The following SYCE2 variants were observed in gnomAD, a reference collection of about 807,000 sequenced individuals.
SYCE2 encodes synaptonemal complex central element protein 2, also known as central element synaptonemal complex 1.
In SYCE2, 3 loss-of-function variants were observed where a neutral mutation model predicts 27.9. The observed-to-expected ratio is 0.11, with a 90% CI of 0.05 to 0.28. SYCE2 has a LOEUF of 0.28. Among genes scored for constraint, SYCE2 ranks in the 10% least tolerant of loss-of-function variants. The probability of loss-of-function intolerance (pLI) is 1.00; values close to 1 mark genes in which losing one functional copy is unlikely to be tolerated. For missense variants in SYCE2, 207 were observed against 263.5 expected (o/e 0.79, Z 1.48); for synonymous variants, 85 against 100.7 (o/e 0.84, Z 0.93).
rs766320876 is a variant in SYCE2 at position 12,904,654 on chromosome 19, C to G, written c.144G>C (p.Gln48His). 53 of 1,613,608 alleles carry G rather than the reference C, an allele frequency of 3.3e-5. No homozygotes were observed. The highest frequency in any genetic ancestry group is 4.4e-5 in the Non-Finnish European group (52 of 1,179,994). Residue 48 changes from glutamine (Q) to histidine (H), a missense_variant, in exon 3 of 6, where the codon CAG (glutamine) becomes CAC (histidine). By Grantham distance (24) the Gln-to-His change is conservative. Coordinates refer to ENST00000293695, the MANE Select transcript of SYCE2 (RefSeq NM_001105578.2). Reference protein sequence around the residue: ...AGGGPASASCQLTVLEGKSGL... With the variant: ...AGGGPASASCHLTVLEGKSGL... ...CCGACTTCCCTTCCAGGACCGTCAG[C>G]TGGCAACTGGCACTGGAGGTGGCGA...
At chr19:12,900,371 G>C in intron 4 of SYCE2, 89 bp downstream of exon 4, 6 of 1,432,548 alleles carry the variant, frequency 4.2e-6, no homozygotes, top group Non-Finnish European at 4.7e-6. Context: ...GTCAGGGCTG[G>C]GTGCCTGGTT....
At chr19:12,919,024 C>T (rs554336265) in intron 1 of SYCE2, among the ~76,000 whole-genome samples, 59 of 152,104 alleles carry the variant, frequency 3.9e-4, no homozygotes, top group African/African-American at 1.4e-3. Flanking sequence ...TACTCCGTTC[C>T]GGCCACGCGC....
intron 2 of SYCE2, among the ~76,000 whole-genome samples, chr19:12,913,597 TTC>T (rs1218939508): frequency 6.6e-6 from 1 of 152,186 alleles, no homozygotes; most frequent in Non-Finnish European, 1.5e-5. Context: ...ACCTCTCCTT[TTC>T]TCTCTGGAAA....
chr19:12,900,318 G>A, intron 4 of SYCE2, 142 bp downstream of exon 4: 1 of 1,089,204 alleles, frequency 9.2e-7, no homozygotes, highest in South Asian at 1.6e-5. Flanking sequence ...CAAACAAGAT[G>A]GTGAGTGCAC....
Position 12,919,273 on chromosome 19 carries a change from C to T in SYCE2, c.-16G>A, listed in dbSNP as rs372608259. The T allele has an allele frequency of 4.3e-6, 7 of 1,610,088 alleles. No individual in the cohort carries two copies. The highest frequency in any genetic ancestry group is 1.6e-4 in the Middle Eastern group (1 of 6,084). ...GTCGCTCCATTCCGTATTTTCCCGC[C>T]TTCAAGCTCGCACCCTCTGCGCATG... On this transcript the variant is annotated 5_prime_UTR_variant, in exon 1 of 6. Coordinates refer to ENST00000293695, the MANE Select transcript of SYCE2 (RefSeq NM_001105578.2).
At chr19:12,902,013 G>A (rs907423860) in intron 3 of SYCE2, among the ~76,000 whole-genome samples, 1 of 152,128 alleles carries the variant, frequency 6.6e-6, no homozygotes, top group Non-Finnish European at 1.5e-5. Context: ...TGGCCCATAA[G>A]AGTATAATGC....
chr19:12,912,643 CGAT>C, intron 2 of SYCE2, among the ~76,000 whole-genome samples: 1 of 152,158 alleles, frequency 6.6e-6, no homozygotes, highest in East Asian at 1.9e-4. Context: ...AAATTAAAAT[CGAT>C]GAGAGCACCA....
rs71168635 is a variant in SYCE2 at position 12,917,659 on chromosome 19, C to CTTTTTTT, written c.131+556_131+562dup. Among the ~76,000 whole-genome samples, 39 of 79,390 alleles carry CTTTTTTT rather than the reference C, an allele frequency of 4.9e-4. 3 individuals are homozygous for CTTTTTTT. Among genetic ancestry groups the CTTTTTTT allele is most frequent in the East Asian group, 2.4e-3 (5 of 2,074 alleles). 52.1% of individuals were successfully genotyped at this position (79,390 alleles called of 152,430 possible). A position where few individuals can be genotyped will look rare whatever the true frequency, so the allele number is the denominator to read the frequency against. ...TACAGGCATAAGCCACCATTCCTGG[C>CTTTTTTT]TTTTTTTTTTTTTTTTTGAGACAGC... On this transcript the variant is annotated intron_variant, in intron 2 of 5. Coordinates refer to ENST00000293695, the MANE Select transcript of SYCE2 (RefSeq NM_001105578.2).
rs1437820911 is a variant in SYCE2, at chr19:12,899,261, A to G, written c.*80T>C. On this transcript the variant is annotated 3_prime_UTR_variant, in exon 6 of 6. Transcript: ENST00000293695. Reference sequence around the variant, plus strand: ...ATGCATTATAGAACCATGAAAAACAATTTCTCAGTGTGGCCCAAATGGTGG... The same window carrying G: ...ATGCATTATAGAACCATGAAAAACAGTTTCTCAGTGTGGCCCAAATGGTGG... 6.1e-6 allele frequency: 8 copies of G among 1,305,740 alleles called. No individual in the cohort carries two copies. The highest frequency in any genetic ancestry group is 4.6e-5 in the East Asian group (2 of 43,286). 80.9% of individuals were successfully genotyped at this position (1,305,740 alleles called of 1,614,324 possible).
intron 2 of SYCE2, 101 bp downstream of exon 2, chr19:12,918,119 GAA>G: frequency 2.1e-6 from 2 of 952,692 alleles, no homozygotes; most frequent in Non-Finnish European, 3.3e-6. Flanking sequence ...TGTTAGGAGG[GAA>G]AAAAAAAGCA....
intron 2 of SYCE2, among the ~76,000 whole-genome samples, chr19:12,908,418 G>C (rs551505204): frequency 3.3e-5 from 5 of 151,580 alleles, no homozygotes; most frequent in Non-Finnish European, 7.4e-5. Flanking sequence ...TCTGCCTCCC[G>C]GGTTCACGCC....
chr19:12,916,205 G>A (rs1447451932), intron 2 of SYCE2, among the ~76,000 whole-genome samples: 1 of 152,030 alleles, frequency 6.6e-6, no homozygotes, highest in African/African-American at 2.4e-5. Context: ...GAGTAGCTGG[G>A]ATTAAAGGCA....
chr19:12,900,039 C>T lies in SYCE2; in HGVS notation c.577G>A (p.Val193Met), dbSNP rs773131972. Residue 193 changes from valine to methionine, a missense_variant, in exon 5 of 6, where the codon GTG (valine) becomes ATG (methionine). Coordinates refer to ENST00000293695, the MANE Select transcript of SYCE2 (RefSeq NM_001105578.2). ...GTTTCAGCCACAGAAGAAACGAACACGTCTGGGGGCTGTGAGTTGCCGGGA... is the reference window on the plus strand; with the variant it reads ...GTTTCAGCCACAGAAGAAACGAACATGTCTGGGGGCTGTGAGTTGCCGGGA... ...PRPGNSQPPD[V>M]FVSSVAETTS... 3 of 1,613,690 alleles carry T rather than the reference C, an allele frequency of 1.9e-6. No individual in the cohort carries two copies. Among genetic ancestry groups the T allele is most frequent in the Middle Eastern group, 1.7e-4 (1 of 5,734 alleles).
chr19:12,918,369 G>A (rs1475800808), intron 1 of SYCE2, 32 bp from the exon 2 acceptor site: 4 of 1,594,794 alleles, frequency 2.5e-6, no homozygotes, highest in South Asian at 1.1e-5. Context: ...AGGCCAAGGA[G>A]GGAGGATGAG....
At chr19:12,902,794 A>T (rs753462916) in intron 3 of SYCE2, among the ~76,000 whole-genome samples, 6 of 152,106 alleles carry the variant, frequency 3.9e-5, no homozygotes, top group Non-Finnish European at 7.4e-5. Context: ...CAGTCTGGGC[A>T]ACAGCAAGGC....
intron 2 of SYCE2, among the ~76,000 whole-genome samples, chr19:12,916,320 C>A (rs772766928): frequency 2.6e-5 from 4 of 152,086 alleles, no homozygotes; most frequent in Non-Finnish European, 4.4e-5. Flanking sequence ...CCGCCTGCCT[C>A]GGCCTCCCAA....
chr19:12,913,095 G>C (rs931192133), intron 2 of SYCE2, among the ~76,000 whole-genome samples: 1 of 152,230 alleles, frequency 6.6e-6, no homozygotes, highest in Non-Finnish European at 1.5e-5. Context: ...ATGCAAGTCA[G>C]CCCAACACAG....
intron 2 of SYCE2, among the ~76,000 whole-genome samples, chr19:12,908,673 C>T (rs1970987175): frequency 1.3e-5 from 2 of 152,190 alleles, no homozygotes; most frequent in Admixed American, 1.3e-4. Flanking sequence ...CCATTGTAAT[C>T]AGGTTCCTCC....
intron 1 of SYCE2, among the ~76,000 whole-genome samples, chr19:12,918,994 TG>T (rs1358907512): frequency 2.0e-5 from 3 of 148,986 alleles, no homozygotes; most frequent in Non-Finnish European, 4.5e-5. Flanking sequence ...GTGCGGTGCG[TG>T]GGTGTTTGTG....
Sources: gnomAD v4.1 joint callset for allele counts (sites outside exome capture counted in the v4.1 genomes callset) on GRCh38, gnomAD v4.1.1 for gene constraint, MANE v1.5 for transcripts, NCBI Gene and HGNC (gene_info 2026-07-23, HGNC 2026-07-21) for gene names.